The following DENND1B variants were observed in gnomAD, a reference collection of about 807,000 sequenced individuals.
DENND1B encodes the protein DENN domain-containing protein 1B.
Under a neutral mutation model 90.1 loss-of-function variants are expected in DENND1B, and 59 were observed. The observed-to-expected ratio is 0.65, with a 90% CI of 0.53 to 0.81. The LOEUF (loss-of-function observed/expected upper bound fraction) is 0.81. Among genes scored for constraint, DENND1B ranks in the 40% least tolerant of loss-of-function variants. The pLI is 0.00. For missense variants in DENND1B, 862 were observed against 912.6 expected (o/e 0.94, Z 0.71); for synonymous variants, 337 against 324.6 (o/e 1.04, Z -0.41).
chr1:197,594,015 C>T (rs1216904420), intron 14 of DENND1B, among the ~76,000 whole-genome samples: 2 of 152,032 alleles, frequency 1.3e-5, no homozygotes, highest in African/African-American at 4.8e-5. Context: ...GAATGAGACC[C>T]TTATAACTAT....
In DENND1B at chr1:197,647,587, T is replaced by C. The variant is rs79726039; in HGVS notation, c.448-473A>G. Reference sequence around the variant, plus strand: ...AATACAGTACTTTAGGAGTCTGTTATTGAAATCAAATGCAATTAATAATTC... The same window carrying C: ...AATACAGTACTTTAGGAGTCTGTTACTGAAATCAAATGCAATTAATAATTC... On this transcript the variant is annotated intron_variant, in intron 7 of 22. Transcript: ENST00000620048. 8.4e-3 allele frequency among the ~76,000 whole-genome samples: 1,279 copies of C among 152,312 alleles called. 19 individuals are homozygous for C. The highest frequency in any genetic ancestry group is 0.028 in the African/African-American group (1,175 of 41,554).
At chr1:197,520,441 T>A (rs1360291524) in intron 20 of DENND1B, among the ~76,000 whole-genome samples, 1 of 151,948 alleles carries the variant, frequency 6.6e-6, no homozygotes, top group Non-Finnish European at 1.5e-5. Flanking sequence ...TTAATACTGA[T>A]AAGTAGTGTC....
intron 3 of DENND1B, among the ~76,000 whole-genome samples, chr1:197,680,878 G>A (rs760220222): frequency 4.1e-4 from 62 of 151,868 alleles, no homozygotes; most frequent in African/African-American, 1.5e-3. Flanking sequence ...ATCACACAAG[G>A]ATTTATTTGA....
intron 20 of DENND1B, among the ~76,000 whole-genome samples, chr1:197,522,265 T>C (rs1390988289): frequency 6.6e-6 from 1 of 152,052 alleles, no homozygotes; most frequent in Non-Finnish European, 1.5e-5. Flanking sequence ...TCAAGATACG[T>C]ATTTGGTGAA....
At chr1:197,671,141 T>C (rs545615399) in intron 5 of DENND1B, among the ~76,000 whole-genome samples, 3 of 152,322 alleles carry the variant, frequency 2.0e-5, no homozygotes, top group South Asian at 2.1e-4. Flanking sequence ...CTTTGTAATA[T>C]GTTATTTCAT....
At chr1:197,779,173 C>T (rs933818541), upstream of DENND1B, among the ~76,000 whole-genome samples, 12 of 152,268 alleles carry the variant, frequency 7.9e-5, no homozygotes, top group African/African-American at 2.9e-4. Context: ...TTATCCCTCA[C>T]TCTTGAAAAA....
chr1:197,600,119 A>G (rs150741492), intron 13 of DENND1B, among the ~76,000 whole-genome samples: 76 of 151,932 alleles, frequency 5.0e-4, no homozygotes, highest in African/African-American at 1.8e-3. Flanking sequence ...TTCTGCAGAA[A>G]GATGTTCCTG....
At chr1:197,552,962 G>C (rs1671366790) in intron 16 of DENND1B, 60 bp downstream of exon 16, 1 of 1,555,484 alleles carries the variant, frequency 6.4e-7, no homozygotes, top group Non-Finnish European at 8.6e-7. Flanking sequence ...AGACACAAGT[G>C]CAAAGACCAA....
At chr1:197,582,042 G>A (rs910173468) in intron 15 of DENND1B, among the ~76,000 whole-genome samples, 4 of 152,060 alleles carry the variant, frequency 2.6e-5, no homozygotes, top group East Asian at 1.9e-4. Flanking sequence ...AGCTCCAAAA[G>A]CAGCCCACTC....
chr1:197,613,104 G>T (rs889726572), intron 11 of DENND1B, among the ~76,000 whole-genome samples: 1 of 150,596 alleles, frequency 6.6e-6, no homozygotes, highest in Non-Finnish European at 1.5e-5. Context: ...TTTCTCAAAA[G>T]ATTTGCATAA....
intron 13 of DENND1B, among the ~76,000 whole-genome samples, chr1:197,599,243 G>A (rs984162683): frequency 1.3e-5 from 2 of 151,672 alleles, no homozygotes; most frequent in Non-Finnish European, 2.9e-5. Context: ...CATAAAAGGG[G>A]GTTGAGTTTT....
At chr1:197,671,927 T>C in intron 5 of DENND1B, 110 bp downstream of exon 5, 1 of 1,129,230 alleles carries the variant, frequency 8.9e-7, no homozygotes, top group Non-Finnish European at 1.2e-6. Context: ...AAATTATTTT[T>C]CAACTTGTTT....
At chr1:197,613,831 A>G (rs1287586429) in intron 11 of DENND1B, among the ~76,000 whole-genome samples, 1 of 150,990 alleles carries the variant, frequency 6.6e-6, no homozygotes, top group African/African-American at 2.4e-5. Flanking sequence ...TCTATTCACA[A>G]GATTTATAAT....
rs532799156 is a variant in DENND1B at position 197,771,197 on chromosome 1, C to T, written c.82+1671G>A. Among the ~76,000 whole-genome samples the T allele has an allele frequency of 3.6e-4, 55 of 152,236 alleles. 1 individual carries two copies. The South Asian group carries it at 9.1e-3, about 25-fold the overall frequency. ...AAAGTGCTGGGATTATAGGCGTGAG[C>T]CACCGTGCCACGCCTTTACAAGCAA... On this transcript the variant is annotated intron_variant, in intron 2 of 22. Transcript: ENST00000620048.
intron 15 of DENND1B, among the ~76,000 whole-genome samples, chr1:197,554,396 A>G (rs966823291): frequency 6.6e-6 from 1 of 151,660 alleles, no homozygotes; most frequent in Non-Finnish European, 1.5e-5. Context: ...TACCCTAGAA[A>G]TTTAAATTTT....
At chr1:197,648,923 T>C (rs557243145) in intron 7 of DENND1B, among the ~76,000 whole-genome samples, 1 of 152,210 alleles carries the variant, frequency 6.6e-6, no homozygotes, top group Non-Finnish European at 1.5e-5. Flanking sequence ...TTCCAGGTTA[T>C]CCTTAGTTTT....
chr1:197,568,181 C>T (rs888587999), intron 15 of DENND1B, among the ~76,000 whole-genome samples: 6 of 151,756 alleles, frequency 4.0e-5, no homozygotes, highest in Middle Eastern at 3.2e-3. Flanking sequence ...ACACAATCAA[C>T]GTATTAAAAA....
rs563303170 is a variant in DENND1B at position 197,675,303 on chromosome 1, G to A, written c.127-1134C>T. On this transcript the variant is annotated intron_variant, in intron 3 of 22. Transcript: ENST00000620048. ...ATATAGCATTGAGTGTTTTAAAGTA[G>A]AATTTCTTGCATTCTTTTAAAAAGG... 2.6e-5 allele frequency among the ~76,000 whole-genome samples: 4 copies of A among 152,128 alleles called. No individual in the cohort carries two copies. In the East Asian group the frequency reaches 7.7e-4, roughly 29 times the overall value.
rs1326168374 is a variant in DENND1B, at chr1:197,655,783, C to T, written c.366+2517G>A. On this transcript the variant is annotated intron_variant, in intron 6 of 22. Transcript: ENST00000620048. ...TCCTGACCTCGTGATCCGCCCGCCT[C>T]GGCCTCCCAAAGTGCTGGGATTACA... Among the ~76,000 whole-genome samples, 7 of 152,076 alleles carry T rather than the reference C, an allele frequency of 4.6e-5. No individual in the cohort carries two copies. In the South Asian group the frequency reaches 6.2e-4, roughly 14 times the overall value.
Sources: allele counts gnomAD v4.1 joint callset (sites outside exome capture counted in the v4.1 genomes callset), GRCh38; gene constraint gnomAD v4.1.1; transcripts MANE v1.5; gene names NCBI Gene and HGNC (gene_info 2026-07-23, HGNC 2026-07-21).